ADCK1: variants seen among roughly 807,000 people sequenced by gnomAD.
ADCK1 encodes aarF domain containing kinase 1.
Under a neutral mutation model 52.3 loss-of-function variants are expected in ADCK1, and 41 were observed. The ratio of observed to expected loss-of-function variants is 0.78; its 90% CI spans 0.61 to 1.02. The LOEUF is 1.02. Among genes scored for constraint, ADCK1 ranks in the 50% least tolerant of loss-of-function variants. The pLI, the probability that ADCK1 is intolerant of heterozygous loss-of-function variation, is 0.00. For missense variants in ADCK1, 658 were observed against 679.5 expected, an observed-to-expected ratio of 0.97 and a Z score of 0.35; for synonymous variants, 250 against 274.6, an observed-to-expected ratio of 0.91 and a Z score of 0.89.
intron 4 of ADCK1, among the ~76,000 whole-genome samples, chr14:77,878,811 A>G (rs1566693789): frequency 6.6e-6 from 1 of 152,230 alleles, no homozygotes; most frequent in Non-Finnish European, 1.5e-5. Context: ...GAAAGATTAG[A>G]TTTATGATAG....
intron 9 of ADCK1, among the ~76,000 whole-genome samples, chr14:77,930,097 GT>G (rs2140304203): frequency 6.7e-6 from 1 of 148,598 alleles, no homozygotes; most frequent in South Asian, 2.1e-4. Context: ...GGTGACTGAA[GT>G]TGCTGAGAGG....
intron 6 of ADCK1, among the ~76,000 whole-genome samples, chr14:77,904,990 C>T (rs772464479): frequency 2.0e-5 from 3 of 152,168 alleles, no homozygotes; most frequent in Admixed American, 6.5e-5. Context: ...GTGATTTAGG[C>T]GCAGCTCACT....
chr14:77,899,053 T>G, intron 5 of ADCK1, 47 bp from the exon 6 acceptor site: 1 of 1,608,850 alleles, frequency 6.2e-7, no homozygotes, highest in Non-Finnish European at 8.5e-7. Flanking sequence ...GAATGTCCCT[T>G]GGTATATGCT....
Position 77,887,226 on chromosome 14 carries a change from T to C in ADCK1, c.559T>C (p.Ser187Pro). Residue 187 changes from serine (S) to proline (P), a missense_variant, in exon 5 of 11, where the codon TCG becomes CCG. Transcript: ENST00000238561. Reference sequence around the variant, plus strand: ...GCACCCAAAGGTGCGGGCTCAGAGCTCGAAGGACATTCTCCTGATGGAGGT... The same window carrying C: ...GCACCCAAAGGTGCGGGCTCAGAGCCCGAAGGACATTCTCCTGATGGAGGT... ...VQHPKVRAQSSKDILLMEVLV... is the reference protein window; with the variant it reads ...VQHPKVRAQSPKDILLMEVLV... 6.3e-7 allele frequency: 1 copy of C among 1,592,326 alleles called. No homozygotes were observed. The highest frequency in any genetic ancestry group is 8.6e-7 in the Non-Finnish European group (1 of 1,169,280).
intron 7 of ADCK1, among the ~76,000 whole-genome samples, chr14:77,911,137 C>T (rs2083781746): frequency 1.3e-5 from 2 of 152,194 alleles, no homozygotes; most frequent in African/African-American, 2.4e-5. Flanking sequence ...TACAGCTCTC[C>T]TATACAGTAT....
intron 3 of ADCK1, among the ~76,000 whole-genome samples, chr14:77,841,686 AAAAAAAAAAATT>A (rs1228261878): frequency 7.4e-6 from 1 of 135,912 alleles, no homozygotes; most frequent in East Asian, 2.0e-4. Flanking sequence ...AAAAAAAAAA[AAAAAAAAAAATT>A]AGCCAGGCGT....
chr14:77,909,593 C>T (rs1387988228), intron 7 of ADCK1, among the ~76,000 whole-genome samples: 2 of 152,096 alleles, frequency 1.3e-5, no homozygotes, highest in African/African-American at 4.8e-5. Flanking sequence ...GGTGGTTGCA[C>T]AGGCCTCCTG....
intron 4 of ADCK1, among the ~76,000 whole-genome samples, chr14:77,880,600 G>C (rs1302201784): frequency 2.0e-5 from 3 of 152,206 alleles, no homozygotes; most frequent in Non-Finnish European, 4.4e-5. Flanking sequence ...GTGGGACAGA[G>C]GTCCAGACAA....
At chr14:77,894,736 G>GTTTTTTTTTTTGTT (rs2083365522) in intron 5 of ADCK1, among the ~76,000 whole-genome samples, 1 of 36,484 alleles carries the variant, frequency 2.7e-5, no homozygotes, top group Non-Finnish European at 5.9e-5. Flanking sequence ...TTCTTTTCTT[G>GTTTTTTTTTTTGTT]TTTTTTTTTT....
intron 7 of ADCK1, chr14:77,914,381 A>G (rs1338823547): frequency 1.0e-5 from 10 of 985,216 alleles, no homozygotes; most frequent in Non-Finnish European, 1.2e-5. Context: ...ATGCTTAGCC[A>G]GAAGCCCTTG....
At chr14:77,903,364 C>A (rs1222594333) in intron 6 of ADCK1, among the ~76,000 whole-genome samples, 1 of 152,222 alleles carries the variant, frequency 6.6e-6, no homozygotes, top group Non-Finnish European at 1.5e-5. Flanking sequence ...CATAATTAAG[C>A]CTCCGCAAAG....
intron 3 of ADCK1, among the ~76,000 whole-genome samples, chr14:77,842,282 A>G (rs1313707414): frequency 6.6e-6 from 1 of 152,152 alleles, no homozygotes; most frequent in Non-Finnish European, 1.5e-5. Context: ...AGCTAATGAT[A>G]TTAACAGGAG....
chr14:77,925,630 C>G, intron 8 of ADCK1, 134 bp from the exon 9 acceptor site: 1 of 867,898 alleles, frequency 1.2e-6, no homozygotes, highest in Non-Finnish European at 1.8e-6. Context: ...TGGCAGAGCT[C>G]TGGGGGAGAA....
intron 5 of ADCK1, among the ~76,000 whole-genome samples, chr14:77,888,402 G>A (rs980273481): frequency 1.3e-5 from 2 of 152,152 alleles, no homozygotes; most frequent in Non-Finnish European, 2.9e-5. Flanking sequence ...CATATTTGTG[G>A]ATCTGAGCAG....
chr14:77,872,069 T>C (rs1316420160), intron 4 of ADCK1, among the ~76,000 whole-genome samples: 1 of 152,228 alleles, frequency 6.6e-6, no homozygotes, highest in Non-Finnish European at 1.5e-5. Context: ...GGCAGGCAGA[T>C]GAGGAAACCT....
At chr14:77,838,226 C>T (rs1163581171) in intron 3 of ADCK1, among the ~76,000 whole-genome samples, 1 of 152,112 alleles carries the variant, frequency 6.6e-6, no homozygotes, top group Non-Finnish European at 1.5e-5. Context: ...CCTGTAGAAC[C>T]GTGAGACATA....
intron 3 of ADCK1, among the ~76,000 whole-genome samples, chr14:77,849,725 T>C (rs917760515): frequency 6.6e-6 from 1 of 152,208 alleles, no homozygotes; most frequent in Non-Finnish European, 1.5e-5. Context: ...GTGCTAGGAT[T>C]ACAGGCATGA....
chr14:77,915,254 A>G (rs1337959430), intron 7 of ADCK1, among the ~76,000 whole-genome samples: 3 of 151,206 alleles, frequency 2.0e-5, no homozygotes, highest in African/African-American at 7.3e-5. Context: ...ACATATGTAT[A>G]CATGTGCCAT....
chr14:77,851,036 A>G (rs1050293477), intron 3 of ADCK1, among the ~76,000 whole-genome samples: 6 of 151,456 alleles, frequency 4.0e-5, no homozygotes, highest in Non-Finnish European at 8.8e-5. Flanking sequence ...GAAGACAGCT[A>G]TTACTTTTGC....
Sources: gnomAD v4.1 joint callset for allele counts (sites outside exome capture counted in the v4.1 genomes callset) on GRCh38, gnomAD v4.1.1 for gene constraint, MANE v1.5 for transcripts, NCBI Gene and HGNC (gene_info 2026-07-23, HGNC 2026-07-21) for gene names.